NDUFV1: variants seen among roughly 807,000 people sequenced by gnomAD.
NDUFV1 encodes NADH:ubiquinone oxidoreductase core subunit V1, also known as NADH dehydrogenase [ubiquinone] flavoprotein 1, mitochondrial.
Under a neutral mutation model 48.7 loss-of-function variants are expected in NDUFV1, and 41 were observed. The observed-to-expected ratio is 0.84, with a 90% CI of 0.66 to 1.09. The LOEUF (loss-of-function observed/expected upper bound fraction) is 1.09. Ranked by LOEUF, NDUFV1 falls within the 50% of genes least tolerant of loss-of-function variation. NDUFV1 has a pLI of 0.00. For synonymous variants in NDUFV1, 231 were observed against 259.1 expected, an observed-to-expected ratio of 0.89 and a Z score of 1.04; for missense variants, 580 against 645.4, an observed-to-expected ratio of 0.90 and a Z score of 1.10.
rs1854857706 is a variant in NDUFV1, at chr11:67,608,728, T to C, written c.326+6T>C. 2 of 1,613,062 alleles carry C rather than the reference T, an allele frequency of 1.2e-6. No homozygotes were observed. The highest frequency in any genetic ancestry group is 1.3e-5 in the African/African-American group (1 of 74,808). On this transcript the variant is annotated splice_donor_region_variant and intron_variant, in intron 3 of 9. Transcript: ENST00000322776. ...AATAAGCCCTCAGATGGCAGGTGTGTGTGTGGGGGCGGGGCAGATGTGGCT... is the reference window on the plus strand; with the variant it reads ...AATAAGCCCTCAGATGGCAGGTGTGCGTGTGGGGGCGGGGCAGATGTGGCT...
chr11:67,607,232 G>A (rs1854823251), intron 1 of NDUFV1, 156 bp downstream of exon 1: 1 of 868,726 alleles, frequency 1.2e-6, no homozygotes, highest in Non-Finnish European at 1.9e-6. Flanking sequence ...TTGAAGTAGG[G>A]GAACGGGTCC....
chr11:67,609,378 G>A (rs1854867301), intron 3 of NDUFV1, 74 bp from the exon 4 acceptor site: 10 of 1,488,872 alleles, frequency 6.7e-6, no homozygotes, highest in Middle Eastern at 2.1e-4. Flanking sequence ...CTCCCTGGGT[G>A]GAGTGGGGTG....
intron 3 of NDUFV1, 79 bp downstream of exon 3, chr11:67,608,801 T>G: frequency 6.3e-7 from 1 of 1,591,392 alleles, no homozygotes; most frequent in Non-Finnish European, 8.5e-7. Flanking sequence ...GCCTTTGGGC[T>G]CTTTCCTTAG....
Position 67,611,227 on chromosome 11 carries a change from AGGT to A in NDUFV1, c.913+26_913+28del. ...ATGCTGGTAAGGCCTGGGGCCAGCC[AGGT>A]GGTGGGGGGGTGCGCAGTGGGGGCA... On this transcript the variant is annotated intron_variant, in intron 6 of 9. Coordinates refer to ENST00000322776, the MANE Select transcript of NDUFV1 (RefSeq NM_007103.4). The surrounding 1 kb of genome is among the most constrained non-coding windows in gnomAD (Gnocchi z 4.2). The A allele has an allele frequency of 6.3e-7, 1 of 1,597,372 alleles. No homozygotes were observed. The highest frequency in any genetic ancestry group is 8.6e-7 in the Non-Finnish European group (1 of 1,165,788).
At chr11:67,610,878 A>G (rs1275386809) in intron 5 of NDUFV1, 117 bp from the exon 6 acceptor site, 3 of 993,534 alleles carry the variant, frequency 3.0e-6, no homozygotes, top group African/African-American at 3.2e-5. Flanking sequence ...TAAGAATGAT[A>G]AGGGGATATT....
Position 67,611,833 on chromosome 11 carries a change from A to C in NDUFV1, c.1081-64A>C. On this transcript the variant is annotated intron_variant, in intron 7 of 9. Coordinates refer to ENST00000322776, the MANE Select transcript of NDUFV1 (RefSeq NM_007103.4). The surrounding 1 kb of genome is among the most constrained non-coding windows in gnomAD (Gnocchi z 4.2). ...TGGAACTGGGGGAGGGGCTGCTGCT[A>C]GGGGGCTGAGGCCCAGGCTTCTGTC... 6.3e-7 allele frequency: 1 copy of C among 1,582,428 alleles called. No homozygotes were observed. Among genetic ancestry groups the C allele is most frequent in the South Asian group, 1.1e-5 (1 of 90,330 alleles).
At chr11:67,608,881 C>T (rs1854860151) in intron 3 of NDUFV1, among the ~76,000 whole-genome samples, 159 bp downstream of exon 3, 1 of 152,160 alleles carries the variant, frequency 6.6e-6, no homozygotes, top group Admixed American at 6.5e-5. Flanking sequence ...CTGTGGACTT[C>T]CACAGGGGAG....
At chr11:67,607,667 A>AGCCAGGCCGGGAAAGG in intron 1 of NDUFV1, 1 of 354,186 alleles carries the variant, frequency 2.8e-6, no homozygotes, top group South Asian at 2.1e-5. Flanking sequence ...CCAGCAGGGG[A>AGCCAGGCCGGGAAAGG]GCCAGGCCGG....
intron 3 of NDUFV1, 47 bp downstream of exon 3, chr11:67,608,769 G>T: frequency 1.9e-6 from 3 of 1,608,268 alleles, no homozygotes; most frequent in Non-Finnish European, 2.5e-6. Context: ...AGAGACCTTG[G>T]GGGTGGCTGG....
chr11:67,612,407 G>T lies in NDUFV1; in HGVS notation c.1344G>T (p.Glu448Asp). The T allele has an allele frequency of 6.2e-7, 1 of 1,612,720 alleles. No individual in the cohort carries two copies. Reference sequence around the variant, plus strand: ...GCCACTTTCGGCCGGAGCTCGAGGAGCGGATGCAGCGGTTTGCCCAGCAGC... The same window carrying T: ...GCCACTTTCGGCCGGAGCTCGAGGATCGGATGCAGCGGTTTGCCCAGCAGC... The part of the protein sequence containing the change: ...LIRHFRPELE[E>D]RMQRFAQQHQ... The change falls in exon 10 of 10, where the codon GAG becomes GAT. Residue 448 changes from glutamate to aspartate, a missense_variant. Physicochemically the swap from Glu to Asp is conservative, Grantham distance 45. Transcript: ENST00000322776. This position sits in a 1 kb window ranked among gnomAD's most constrained non-coding sequence, Gnocchi z 4.4.
rs1478640791 is a variant in NDUFV1, at chr11:67,610,919, C to A, written c.701-76C>A. The A allele has an allele frequency of 4.9e-6, 7 of 1,426,530 alleles. No homozygotes were observed. In the South Asian group the frequency reaches 6.9e-5, roughly 14 times the overall value. The allele number at this position is 1,426,530 out of a possible 1,614,324, so 88.4% of individuals were successfully genotyped here. The stretch of plus-strand genomic sequence containing the variant: ...AGGGGCTCTGCCATGGGTGCAGGAC[C>A]CTGGGACACACCTCCCTGCCAGGAA... On this transcript the variant is annotated intron_variant, in intron 5 of 9. Coordinates refer to ENST00000322776, the MANE Select transcript of NDUFV1 (RefSeq NM_007103.4).
At position 67,606,966 on chromosome 11, in the gene NDUFV1, G is replaced by A; in HGVS notation, c.-39G>A. ...GCCAGTTCCTCAGCCTCAGTGCTAT[G>A]AAGGTGACAGCGTGAGGTGACCCAT... On this transcript the variant is annotated 5_prime_UTR_variant, in exon 1 of 10. The change abolishes an upstream ATG in the 5' untranslated region. Transcript: ENST00000322776. The A allele has an allele frequency of 6.3e-7, 1 of 1,597,348 alleles. No homozygotes were observed. The highest frequency in any genetic ancestry group is 8.5e-7 in the Non-Finnish European group (1 of 1,172,440).
At chr11:67,610,913 C>G (rs1854901491) in intron 5 of NDUFV1, 82 bp from the exon 6 acceptor site, 21 of 1,364,316 alleles carry the variant, frequency 1.5e-5, no homozygotes, top group Non-Finnish European at 2.1e-5. Context: ...GCCATGGGTG[C>G]AGGACCCTGG....
chr11:67,610,345 G>A, intron 4 of NDUFV1, 36 bp from the exon 5 acceptor site: 1 of 1,587,220 alleles, frequency 6.3e-7, no homozygotes, highest in East Asian at 2.2e-5. Flanking sequence ...TCCTGGGCTG[G>A]GGGTGGGCTG....
intron 5 of NDUFV1, 69 bp downstream of exon 5, chr11:67,610,639 G>C (rs1854896317): frequency 1.3e-6 from 2 of 1,577,546 alleles, no homozygotes; most frequent in Admixed American, 3.6e-5. Flanking sequence ...GGCTCCCTTT[G>C]GATTGTTCTT....
chr11:67,607,014 A>C lies in NDUFV1; in HGVS notation c.10A>C (p.Thr4Pro). 1.9e-6 allele frequency: 3 copies of C among 1,610,672 alleles called. No homozygotes were observed. Among genetic ancestry groups the C allele is most frequent in the Non-Finnish European group, 2.5e-6 (3 of 1,179,156 alleles). MLATRRLLGWSLPA... is the reference protein window; with the variant it reads MLAPRRLLGWSLPA... ...CATCTGGCCCGCCGCGATGCTGGCA[A>C]CACGGCGGCTGCTCGGCTGGTCGCT... The change falls in exon 1 of 10, where the codon ACA becomes CCA. Residue 4 changes from threonine to proline, a missense_variant. Physicochemically the swap from Thr to Pro is conservative, Grantham distance 38. Coordinates refer to ENST00000322776, the MANE Select transcript of NDUFV1 (RefSeq NM_007103.4).
chr11:67,610,345 GGGGT>G (rs762224488), intron 4 of NDUFV1, 32 bp from the exon 5 acceptor site: 1 of 1,587,220 alleles, frequency 6.3e-7, no homozygotes, highest in East Asian at 2.2e-5. Context: ...TCCTGGGCTG[GGGGT>G]GGGCTGGGAA....
At position 67,612,214 on chromosome 11, in the gene NDUFV1, A is replaced by C. The variant is rs1339717777; in HGVS notation, c.1257A>C (p.Ile419=). 1.2e-6 allele frequency: 2 copies of C among 1,613,662 alleles called. No homozygotes were observed. The highest frequency in any genetic ancestry group is 2.7e-5 in the African/African-American group (2 of 74,906). ...IDSLWEISKQ[I]EGHTICALGD... ...CCCTGTGGGAGATCAGCAAGCAGAT[A>C]GAAGGCCATACGATTTGTGCTCTGG... The change falls in exon 9 of 10, where the codon ATA becomes ATC. Residue 419 remains isoleucine (I), a synonymous_variant. Coordinates refer to ENST00000322776, the MANE Select transcript of NDUFV1 (RefSeq NM_007103.4). The surrounding 1 kb of genome is among the most constrained non-coding windows in gnomAD (Gnocchi z 4.4).
chr11:67,611,173 T>C lies in NDUFV1; in HGVS notation c.879T>C (p.Ser293=). The C allele has an allele frequency of 6.8e-6, 11 of 1,614,104 alleles. No individual in the cohort carries two copies. Among genetic ancestry groups the C allele is most frequent in the Non-Finnish European group, 7.6e-6 (9 of 1,180,024 alleles). The stretch of plus-strand genomic sequence containing the variant: ...CTTGCACTGTGGAGGAGGAGATGTC[T>C]GTGCCCTTGAAAGAACTGATTGAGA... ...NHPCTVEEEM[S]VPLKELIEKH... is the part of the protein sequence containing the mutation. The change falls in exon 6 of 10, where the codon TCT becomes TCC. Residue 293 remains serine (S), a synonymous_variant. Coordinates refer to ENST00000322776, the MANE Select transcript of NDUFV1 (RefSeq NM_007103.4). The surrounding 1 kb of genome is among the most constrained non-coding windows in gnomAD (Gnocchi z 4.2).
Sources: allele counts gnomAD v4.1 joint callset (sites outside exome capture counted in the v4.1 genomes callset), GRCh38; gene constraint gnomAD v4.1.1; non-coding constraint Gnocchi (gnomAD v3.1); transcripts MANE v1.5; gene names NCBI Gene and HGNC (gene_info 2026-07-23, HGNC 2026-07-21).